Variants in SCHIP1 observed in about 807,000 individuals in gnomAD.
SCHIP1 encodes schwannomin-interacting protein 1.
In SCHIP1, 8 loss-of-function variants were observed where a neutral mutation model predicts 29.7. That is an observed-to-expected ratio of 0.27 (90% CI 0.16 to 0.49). The LOEUF (loss-of-function observed/expected upper bound fraction) is 0.49. Ranked by LOEUF, SCHIP1 falls within the 20% of genes least tolerant of loss-of-function variation. SCHIP1 has a pLI of 0.99. For missense variants in SCHIP1, 193 were observed against 294.6 expected, an observed-to-expected ratio of 0.66 and a Z score of 2.52; for synonymous variants, 76 against 94.9, an observed-to-expected ratio of 0.80 and a Z score of 1.16.
the SCHIP1 span, among the ~76,000 whole-genome samples, chr3:159,475,942 A>T: frequency 1.8e-4 from 27 of 152,298 alleles, no homozygotes; most frequent in Non-Finnish European, 3.2e-4. Context: ...CAGTTTAGAC[A>T]AGGACCCACA....
chr3:159,737,466 T>C, the SCHIP1 span, among the ~76,000 whole-genome samples: 3 of 152,204 alleles, frequency 2.0e-5, no homozygotes, highest in African/African-American at 7.2e-5. Context: ...CTCACTGTAG[T>C]GTTCCCAGTA....
At chr3:159,781,526 G>C in the SCHIP1 span, among the ~76,000 whole-genome samples, 4 of 152,310 alleles carry the variant, frequency 2.6e-5, no homozygotes, top group South Asian at 8.3e-4. Flanking sequence ...GCAAAGCATA[G>C]CACACAAAAT....
At chr3:159,821,372 C>T in the SCHIP1 span, among the ~76,000 whole-genome samples, 5 of 152,204 alleles carry the variant, frequency 3.3e-5, no homozygotes, top group African/African-American at 4.8e-5. Context: ...GTGCCGAGGG[C>T]GCTCTTGAGG....
chr3:159,477,920 C>CTTTTTTTTTTT, the SCHIP1 span, among the ~76,000 whole-genome samples: 2 of 98,302 alleles, frequency 2.0e-5, no homozygotes, highest in Non-Finnish European at 3.9e-5. Context: ...CATTTTAAAT[C>CTTTTTTTTTTT]TTTTTTTTTT....
At chr3:159,823,872 G>T in the SCHIP1 span, among the ~76,000 whole-genome samples, 57 of 152,146 alleles carry the variant, frequency 3.7e-4, 1 homozygote, top group East Asian at 0.011. Flanking sequence ...TTTTCATTTT[G>T]CACAGAGCCC....
At chr3:159,599,465 T>C in the SCHIP1 span, among the ~76,000 whole-genome samples, 2 of 152,186 alleles carry the variant, frequency 1.3e-5, no homozygotes, top group Non-Finnish European at 2.9e-5. Context: ...TGCACCCTCA[T>C]AGCTTAGCTC....
chr3:159,659,232 T>C, the SCHIP1 span, among the ~76,000 whole-genome samples: 1 of 152,238 alleles, frequency 6.6e-6, no homozygotes, highest in Non-Finnish European at 1.5e-5. Context: ...TTGTTCCTAG[T>C]TGGCATGTCC....
At chr3:159,387,506 C>T in the SCHIP1 span, 1 of 162,672 alleles carries the variant, frequency 6.1e-6, no homozygotes, top group Middle Eastern at 2.8e-3. Flanking sequence ...GGTGTTCTAT[C>T]AGACAGGCAG....
chr3:159,833,772 T>A, the SCHIP1 span, among the ~76,000 whole-genome samples: 1 of 152,158 alleles, frequency 6.6e-6, no homozygotes, highest in Non-Finnish European at 1.5e-5. Context: ...ATGATGAAAA[T>A]TTAAACCTCC....
At chr3:159,622,560 C>T in the SCHIP1 span, among the ~76,000 whole-genome samples, 2 of 152,062 alleles carry the variant, frequency 1.3e-5, no homozygotes, top group Non-Finnish European at 2.9e-5. Context: ...AGTGAATGCT[C>T]AAAAATATTG....
At chr3:159,532,973 A>G in the SCHIP1 span, among the ~76,000 whole-genome samples, 1 of 152,234 alleles carries the variant, frequency 6.6e-6, no homozygotes. Context: ...TTGAAAAGAC[A>G]ATACAAAGTG....
the SCHIP1 span, among the ~76,000 whole-genome samples, chr3:159,588,359 G>A: frequency 4.6e-5 from 7 of 152,152 alleles, no homozygotes; most frequent in South Asian, 1.2e-3. Context: ...GTAGATTCTG[G>A]TATTAGCCCT....
chr3:159,655,448 G>C, the SCHIP1 span, among the ~76,000 whole-genome samples: 759 of 152,196 alleles, frequency 5.0e-3, 8 homozygotes, highest in African/African-American at 0.018. Flanking sequence ...AACTAACAAG[G>C]GGCCAGGCAC....
the SCHIP1 span, among the ~76,000 whole-genome samples, chr3:159,682,257 C>T: frequency 6.6e-6 from 1 of 152,150 alleles, no homozygotes; most frequent in East Asian, 1.9e-4. Context: ...TTCCTCTTCC[C>T]TTTTTCTGTC....
chr3:159,701,767 T>TC, the SCHIP1 span, among the ~76,000 whole-genome samples: 7 of 152,170 alleles, frequency 4.6e-5, no homozygotes, highest in African/African-American at 1.4e-4. Context: ...CCTTTTTTTT[T>TC]CTTTGCTTTA....
At chr3:159,310,896 T>A in the SCHIP1 span, among the ~76,000 whole-genome samples, 1 of 152,288 alleles carries the variant, frequency 6.6e-6, no homozygotes, top group African/African-American at 2.4e-5. Context: ...AAGATTTGCA[T>A]GCCGGAATTG....
At chr3:159,423,500 G>A in the SCHIP1 span, among the ~76,000 whole-genome samples, 1 of 152,226 alleles carries the variant, frequency 6.6e-6, no homozygotes, top group Non-Finnish European at 1.5e-5. Context: ...CAGCGAGGCT[G>A]GGGGAGGGGC....
chr3:159,669,361 G>A, the SCHIP1 span, among the ~76,000 whole-genome samples: 2 of 152,192 alleles, frequency 1.3e-5, no homozygotes, highest in South Asian at 2.1e-4. Flanking sequence ...CATGACTGTC[G>A]TCATCACTTA....
At chr3:159,512,130 T>C in the SCHIP1 span, among the ~76,000 whole-genome samples, 1 of 150,922 alleles carries the variant, frequency 6.6e-6, no homozygotes, top group East Asian at 1.9e-4. Flanking sequence ...ACAAAATATA[T>C]AGAAAAATAA....
Sources: allele counts gnomAD v4.1 joint callset (sites outside exome capture counted in the v4.1 genomes callset), GRCh38; gene constraint gnomAD v4.1.1; transcripts MANE v1.5; gene names NCBI Gene and HGNC (gene_info 2026-07-23, HGNC 2026-07-21).